The following SQSTM1 variants were observed in gnomAD, a reference collection of about 807,000 sequenced individuals.
SQSTM1 encodes the protein sequestosome-1.
SQSTM1 carries 36 observed loss-of-function variants against 45.1 expected under a neutral mutation model. The ratio of observed to expected loss-of-function variants is 0.80; its 90% CI spans 0.61 to 1.05. SQSTM1 has a LOEUF of 1.05. Ranked by LOEUF, SQSTM1 falls within the 50% of genes least tolerant of loss-of-function variation. The pLI is 0.00. For missense variants in SQSTM1, 617 were observed against 607.1 expected (o/e 1.02, Z -0.17); for synonymous variants, 290 against 244.3 (o/e 1.19, Z -1.74).
intron 1 of SQSTM1, among the ~76,000 whole-genome samples, chr5:179,809,637 CTTTTTTTTTTTTTT>C (rs1181470503): frequency 9.0e-5 from 7 of 77,648 alleles, no homozygotes; most frequent in African/African-American, 3.3e-4. Flanking sequence ...GCGCCTGGCC[CTTTTTTTTTTTTTT>C]TTTTTTTTTT....
upstream of SQSTM1, among the ~76,000 whole-genome samples, chr5:179,814,821 C>T (rs536875959): frequency 4.6e-5 from 7 of 150,894 alleles, no homozygotes; most frequent in East Asian, 5.9e-4. Context: ...TTTAGGAGGC[C>T]GAGGCGGGAG....
Position 179,837,580 on chromosome 5 carries a change from G to A in SQSTM1, c.*987G>A, listed in dbSNP as rs199727564. 153 of 1,614,164 alleles carry A rather than the reference G, an allele frequency of 9.5e-5. No homozygotes were observed. Among genetic ancestry groups the A allele is most frequent in the Middle Eastern group, 4.9e-4 (3 of 6,062 alleles). On this transcript the variant is annotated 3_prime_UTR_variant, in exon 8 of 8. Coordinates refer to ENST00000389805, the MANE Select transcript of SQSTM1 (RefSeq NM_003900.5). ...GTGTGGCCCGAGGAAGCTGGACAGC[G>A]GCAGTGGGCCTGCTGAGGCCTTCTC...
chr5:179,812,724 C>G (rs1188392756), intron 2 of SQSTM1: 1 of 152,302 alleles, frequency 6.6e-6, no homozygotes, highest in African/African-American at 2.4e-5. Context: ...AGTGGCGGCT[C>G]AGCACAGGGA....
At chr5:179,812,984 G>GT (rs1276073811) in intron 2 of SQSTM1, 11 of 54,744 alleles carry the variant, frequency 2.0e-4, no homozygotes, top group Non-Finnish European at 5.1e-4. Context: ...TCAAAACATG[G>GT]TCCCCCCCCC....
chr5:179,821,320 T>G (rs1028052664), intron 1 of SQSTM1, among the ~76,000 whole-genome samples, 179 bp downstream of exon 1: 4 of 152,122 alleles, frequency 2.6e-5, no homozygotes, highest in Non-Finnish European at 5.9e-5. Context: ...GGAGCCGGCC[T>G]GGTGACTGGA....
At chr5:179,822,763 G>T in intron 1 of SQSTM1, 195 bp from the exon 2 acceptor site, 1 of 663,400 alleles carries the variant, frequency 1.5e-6, no homozygotes, top group East Asian at 2.9e-5. Flanking sequence ...GGCCCAGGTC[G>T]GAGCACTCAC....
chr5:179,823,670 G>T, intron 2 of SQSTM1, 188 bp from the exon 3 acceptor site: 1 of 625,204 alleles, frequency 1.6e-6, no homozygotes, highest in Non-Finnish European at 2.8e-6. Context: ...ACAGACACAG[G>T]GACTGGGAAC....
chr5:179,816,796 C>G (rs1757593819), upstream of SQSTM1, among the ~76,000 whole-genome samples: 1 of 152,228 alleles, frequency 6.6e-6, no homozygotes, highest in African/African-American at 2.4e-5. Context: ...GTCGCCGCCC[C>G]CCCGTCTTTT....
At chr5:179,826,833 G>A (rs1459342319) in intron 5 of SQSTM1, among the ~76,000 whole-genome samples, 8 of 151,682 alleles carry the variant, frequency 5.3e-5, no homozygotes, top group African/African-American at 4.8e-5. Flanking sequence ...CACCTGCCTC[G>A]GCCTCCCAAA....
intron 1 of SQSTM1, chr5:179,821,688 G>C: frequency 2.7e-6 from 1 of 368,724 alleles, no homozygotes; most frequent in Non-Finnish European, 5.4e-6. Context: ...ACGGATCGCC[G>C]GCGGAACGCT....
chr5:179,814,167 A>C (rs1433449686), upstream of SQSTM1, among the ~76,000 whole-genome samples: 1 of 152,154 alleles, frequency 6.6e-6, no homozygotes, highest in Non-Finnish European at 1.5e-5. Context: ...TTCTCTTGCT[A>C]ATTTGTCTTT....
intron 1 of SQSTM1, among the ~76,000 whole-genome samples, chr5:179,810,461 C>T (rs1308495045): frequency 6.6e-6 from 1 of 152,178 alleles, no homozygotes; most frequent in Non-Finnish European, 1.5e-5. Flanking sequence ...TTTTTTATGG[C>T]TGCATAGTAT....
At position 179,822,939 on chromosome 5, in the gene SQSTM1, T is replaced by A; in HGVS notation, c.206-19T>A. 6.2e-7 allele frequency: 1 copy of A among 1,612,754 alleles called. No homozygotes were observed. Among genetic ancestry groups the A allele is most frequent in the Non-Finnish European group, 8.5e-7 (1 of 1,178,736 alleles). Reference sequence around the variant, plus strand: ...TGAGAACCCCTGGGTGCTCACGTGCTGTCTTTTAAACAATCTAGATGAGGA... The same window carrying A: ...TGAGAACCCCTGGGTGCTCACGTGCAGTCTTTTAAACAATCTAGATGAGGA... On this transcript the variant is annotated intron_variant, in intron 1 of 7. Coordinates refer to ENST00000389805, the MANE Select transcript of SQSTM1 (RefSeq NM_003900.5).
In SQSTM1 at chr5:179,833,047, T is replaced by G. The variant is rs745788957; in HGVS notation, c.770T>G (p.Ile257Ser). 1 of 1,614,110 alleles carries G rather than the reference T, an allele frequency of 6.2e-7. No individual in the cohort carries two copies. Among genetic ancestry groups the G allele is most frequent in the Non-Finnish European group, 8.5e-7 (1 of 1,180,010 alleles). The change falls in exon 6 of 8, where the codon ATC (isoleucine) becomes AGC (serine). Residue 257 changes from isoleucine to serine, a missense_variant. Physicochemically the swap from Ile to Ser is moderately radical, Grantham distance 142 (BLOSUM62 -2). Transcript: ENST00000389805. ...CCGCCTCTAGGCATTGAAGTTGATA[T>G]CGATGTGGAGCACGGAGGGAAAAGA... Reference protein sequence around the residue: ...ALSPLGIEVDIDVEHGGKRSR... With the variant: ...ALSPLGIEVDSDVEHGGKRSR...
At chr5:179,833,272 T>TG in intron 6 of SQSTM1, 26 bp downstream of exon 6, 3 of 1,546,502 alleles carry the variant, frequency 1.9e-6, no homozygotes, top group Non-Finnish European at 2.6e-6. Flanking sequence ...TCCCGCCACC[T>TG]GGGACCACGG....
chr5:179,824,429 C>A, intron 4 of SQSTM1, 106 bp downstream of exon 4: 1 of 1,503,444 alleles, frequency 6.7e-7, no homozygotes, highest in Non-Finnish European at 9.2e-7. Flanking sequence ...TTCAGGATAC[C>A]CCCCACCTTC....
intron 2 of SQSTM1, chr5:179,823,445 C>CAAAAAAAAAAAAAA (rs59899831): frequency 7.2e-5 from 4 of 55,922 alleles, no homozygotes; most frequent in South Asian, 2.2e-4. Context: ...GCCTAGGCGA[C>CAAAAAAAAAAAAAA]AAAAAAAAAA....
At chr5:179,831,221 C>T (rs1758200615) in intron 5 of SQSTM1, among the ~76,000 whole-genome samples, 1 of 152,222 alleles carries the variant, frequency 6.6e-6, no homozygotes, top group South Asian at 2.1e-4. Context: ...GCCCAGAGAG[C>T]TGCCAGTCCT....
upstream of SQSTM1, among the ~76,000 whole-genome samples, chr5:179,818,092 C>T (rs559452019): frequency 2.6e-5 from 4 of 151,072 alleles, no homozygotes; most frequent in Admixed American, 2.7e-4. Flanking sequence ...AGGAAGGCCC[C>T]GCTGAGGAGG....
Sources: gnomAD v4.1 joint callset for allele counts (sites outside exome capture counted in the v4.1 genomes callset) on GRCh38, gnomAD v4.1.1 for gene constraint, MANE v1.5 for transcripts, NCBI Gene and HGNC (gene_info 2026-07-23, HGNC 2026-07-21) for gene names.